HEATR3: variants seen among roughly 807,000 people sequenced by gnomAD.
The protein encoded by HEATR3 is HEAT repeat containing 3.
Under a neutral mutation model 72.8 loss-of-function variants are expected in HEATR3, and 56 were observed. The observed-to-expected ratio is 0.77, with a 90% CI of 0.62 to 0.96. The LOEUF is 0.96. HEATR3 is among the 40% of genes least tolerant of loss of function. The pLI, the probability that HEATR3 is intolerant of heterozygous loss-of-function variation, is 0.00. For missense variants in HEATR3, 747 were observed against 831.4 expected (o/e 0.90, Z 1.25); for synonymous variants, 331 against 318.1 (o/e 1.04, Z -0.43).
chr16:50,082,782 A>T (rs1050067603), intron 7 of HEATR3, among the ~76,000 whole-genome samples: 4 of 149,668 alleles, frequency 2.7e-5, no homozygotes, highest in African/African-American at 4.9e-5. Context: ...AAGCAGGTAA[A>T]TTTTTTTTCT....
At chr16:50,084,112 G>T in intron 8 of HEATR3, 22 bp from the exon 9 acceptor site, 1 of 1,614,050 alleles carries the variant, frequency 6.2e-7, no homozygotes, top group Non-Finnish European at 8.5e-7. Flanking sequence ...TTCCAGTTCT[G>T]CGTGGTTTGC....
At chr16:50,094,680 T>A (rs1653087874) in intron 11 of HEATR3, 25 bp from the exon 12 acceptor site, 11 of 1,425,536 alleles carry the variant, frequency 7.7e-6, no homozygotes, top group Non-Finnish European at 1.0e-5. Context: ...AAATGCAAAT[T>A]TTATATTTCA....
chr16:50,070,816 C>G (rs181985180), intron 4 of HEATR3, among the ~76,000 whole-genome samples: 3 of 152,190 alleles, frequency 2.0e-5, no homozygotes, highest in Non-Finnish European at 2.9e-5. Context: ...CTTTCCTCTC[C>G]AGTCATTGCA....
At chr16:50,083,822 G>A (rs531651369) in intron 7 of HEATR3, 115 bp from the exon 8 acceptor site, 40 of 792,306 alleles carry the variant, frequency 5.0e-5, no homozygotes, top group African/African-American at 4.2e-4. Context: ...CCCATTCCCC[G>A]TGTGCTCTAT....
At chr16:50,077,424 G>A (rs2036760898) in intron 6 of HEATR3, among the ~76,000 whole-genome samples, 1 of 152,194 alleles carries the variant, frequency 6.6e-6, no homozygotes, top group Non-Finnish European at 1.5e-5. Context: ...CAAAGTGCTG[G>A]AATTACAGGC....
At chr16:50,082,330 AAG>A (rs2036885125) in intron 7 of HEATR3, among the ~76,000 whole-genome samples, 1 of 152,032 alleles carries the variant, frequency 6.6e-6, no homozygotes, top group Non-Finnish European at 1.5e-5. Flanking sequence ...GTGACAGAGC[AAG>A]ACTCTGTCTC....
Position 50,104,955 on chromosome 16 carries a change from G to A in HEATR3, c.1937G>A (p.Arg646Lys). Reference sequence around the variant, plus strand: ...TGTTTGCAGATACGTAAAGAAGGGAGAGGTAACTATAGCACAGATCAGCTG... The same window carrying A: ...TGTTTGCAGATACGTAAAGAAGGGAAAGGTAACTATAGCACAGATCAGCTG... ...VFKMKIRKEG[R>K]GNYSTDQLCV... The change falls in exon 15 of 15, where the codon AGA becomes AAA. Residue 646 changes from arginine to lysine, a missense_variant. By Grantham distance (26) the Arg-to-Lys change is conservative (BLOSUM62 2). Coordinates refer to ENST00000299192, the MANE Select transcript of HEATR3 (RefSeq NM_182922.4). 6.3e-7 allele frequency: 1 copy of A among 1,592,000 alleles called. No individual in the cohort carries two copies. Among genetic ancestry groups the A allele is most frequent in the Non-Finnish European group, 8.5e-7 (1 of 1,173,804 alleles).
At chr16:50,069,001 C>A (rs2036556643) in intron 3 of HEATR3, 134 bp downstream of exon 3, 1 of 642,210 alleles carries the variant, frequency 1.6e-6, no homozygotes, top group African/African-American at 1.8e-5. Flanking sequence ...CCTGGAAACA[C>A]CAATCTGCTC....
intron 7 of HEATR3, among the ~76,000 whole-genome samples, chr16:50,082,281 T>C (rs568797964): frequency 6.6e-6 from 1 of 152,070 alleles, no homozygotes; most frequent in South Asian, 2.1e-4. Flanking sequence ...AGGCGGAGAT[T>C]GCAGTGAGCC....
chr16:50,082,781 A>G (rs1186133859), intron 7 of HEATR3, among the ~76,000 whole-genome samples: 1 of 150,004 alleles, frequency 6.7e-6, no homozygotes, highest in Non-Finnish European at 1.5e-5. Context: ...AAAGCAGGTA[A>G]ATTTTTTTTC....
Position 50,090,358 on chromosome 16 carries a change from T to TA in HEATR3, c.1510+4017dup, listed in dbSNP as rs796759780. ...AACAGAGTGAGACTCTTATCTCAAT[T>TA]AAAAAAAAAAGAGAATTTAGTGCGG... On this transcript the variant is annotated intron_variant, in intron 11 of 14. Transcript: ENST00000299192. 2.2e-3 allele frequency among the ~76,000 whole-genome samples: 321 copies of TA among 148,740 alleles called. 1 individual carries two copies. The highest frequency in any genetic ancestry group is 7.4e-3 in the African/African-American group (301 of 40,636).
chr16:50,067,573 GGA>G (rs1267597107), intron 2 of HEATR3, among the ~76,000 whole-genome samples: 1 of 150,652 alleles, frequency 6.6e-6, no homozygotes, highest in African/African-American at 2.4e-5. Context: ...AAGTGAGGCT[GGA>G]GAGAGGGATG....
At position 50,094,842 on chromosome 16, in the gene HEATR3, A is replaced by G. The variant is rs780689035; in HGVS notation, c.1599+49A>G. The G allele has an allele frequency of 4.6e-6, 5 of 1,083,350 alleles. No individual in the cohort carries two copies. The South Asian group carries it at 5.8e-5, about 13-fold the overall frequency. The allele number at this position is 1,083,350 out of a possible 1,614,324, so 67.1% of individuals were successfully genotyped here. On this transcript the variant is annotated intron_variant, in intron 12 of 14. Coordinates refer to ENST00000299192, the MANE Select transcript of HEATR3 (RefSeq NM_182922.4). Reference sequence around the variant, plus strand: ...ATGAAACTTGTAAAGATTGTGTATTATGGAGGCAAAATTCATTACTTCACT... The same window carrying G: ...ATGAAACTTGTAAAGATTGTGTATTGTGGAGGCAAAATTCATTACTTCACT...
intron 11 of HEATR3, among the ~76,000 whole-genome samples, chr16:50,087,083 C>G (rs1360088085): frequency 6.6e-6 from 1 of 152,212 alleles, no homozygotes; most frequent in African/African-American, 2.4e-5. Flanking sequence ...ACACCCAGTT[C>G]CTCTCCCAGA....
intron 10 of HEATR3, among the ~76,000 whole-genome samples, chr16:50,085,462 C>A (rs2036967671): frequency 6.7e-6 from 1 of 149,184 alleles, no homozygotes; most frequent in Non-Finnish European, 1.5e-5. Context: ...CCCATCTCTA[C>A]AAAGGAAAAA....
intron 13 of HEATR3, among the ~76,000 whole-genome samples, 168 bp from the exon 14 acceptor site, chr16:50,102,091 G>A (rs2037379397): frequency 6.6e-6 from 1 of 151,958 alleles, no homozygotes; most frequent in Non-Finnish European, 1.5e-5. Context: ...AATTTATCTT[G>A]CTTATACTTG....
intron 11 of HEATR3, among the ~76,000 whole-genome samples, chr16:50,086,785 G>A (rs545284919): frequency 5.3e-5 from 8 of 152,156 alleles, no homozygotes; most frequent in African/African-American, 1.2e-4. Flanking sequence ...ACTTTAACTG[G>A]GCGTGGTGGT....
chr16:50,096,846 C>T (rs908687169), intron 12 of HEATR3, among the ~76,000 whole-genome samples: 1 of 152,182 alleles, frequency 6.6e-6, no homozygotes, highest in Non-Finnish European at 1.5e-5. Flanking sequence ...AGTATATTCT[C>T]ATATTCTTAA....
At chr16:50,070,363 G>A in intron 4 of HEATR3, 73 bp downstream of exon 4, 1 of 668,840 alleles carries the variant, frequency 1.5e-6, no homozygotes, top group South Asian at 2.3e-5. Flanking sequence ...TACTGTGTAG[G>A]AATCTCTGTT....
Sources: allele counts gnomAD v4.1 joint callset (sites outside exome capture counted in the v4.1 genomes callset), GRCh38; gene constraint gnomAD v4.1.1; transcripts MANE v1.5; gene names NCBI Gene and HGNC (gene_info 2026-07-23, HGNC 2026-07-21).